TBC1D19: variants seen among roughly 807,000 people sequenced by gnomAD.
TBC1D19 encodes the protein TBC1 domain family, member 19.
TBC1D19 carries 60 observed loss-of-function variants against 89.0 expected under a neutral mutation model. The observed-to-expected ratio is 0.67, with a 90% confidence interval of 0.55 to 0.84. TBC1D19 has a LOEUF of 0.84. TBC1D19 is among the 40% of genes least tolerant of loss of function. The pLI, the probability that TBC1D19 is intolerant of heterozygous loss-of-function variation, is 0.00. For missense variants in TBC1D19, 500 were observed against 610.8 expected (o/e 0.82, Z 1.91); for synonymous variants, 189 against 199.7 (o/e 0.95, Z 0.45).
chr4:26,669,840 A>G (rs1010711070), intron 9 of TBC1D19, among the ~76,000 whole-genome samples: 2 of 151,812 alleles, frequency 1.3e-5, no homozygotes, highest in Non-Finnish European at 3.0e-5. Context: ...TATAAACTAC[A>G]TTGATTGAAA....
chr4:26,733,329 G>A (rs1480232277), intron 15 of TBC1D19, among the ~76,000 whole-genome samples: 1 of 152,040 alleles, frequency 6.6e-6, no homozygotes, highest in Non-Finnish European at 1.5e-5. Context: ...AATAGTATAG[G>A]CCCTAAGCTA....
At chr4:26,671,822 T>G (rs1712336179) in intron 9 of TBC1D19, among the ~76,000 whole-genome samples, 1 of 151,852 alleles carries the variant, frequency 6.6e-6, no homozygotes, top group African/African-American at 2.4e-5. Context: ...AAGGGAAAAT[T>G]CATTCATCAA....
At chr4:26,676,762 A>C (rs1002248348) in intron 11 of TBC1D19, among the ~76,000 whole-genome samples, 1 of 150,312 alleles carries the variant, frequency 6.7e-6, no homozygotes, top group African/African-American at 2.4e-5. Flanking sequence ...ACCTGTTGTC[A>C]GTGTTTAACC....
chr4:26,605,402 C>T (rs1181830013), intron 1 of TBC1D19, among the ~76,000 whole-genome samples: 1 of 151,566 alleles, frequency 6.6e-6, no homozygotes, highest in African/African-American at 2.4e-5. Flanking sequence ...TTTATGGCTG[C>T]ATAGTATTCC....
intron 13 of TBC1D19, among the ~76,000 whole-genome samples, chr4:26,690,086 T>C (rs913361287): frequency 2.6e-5 from 4 of 152,180 alleles, no homozygotes; most frequent in African/African-American, 7.2e-5. Context: ...GTTGCTGATA[T>C]GGAGAAAATT....
chr4:26,703,707 A>G (rs898000570), intron 13 of TBC1D19, among the ~76,000 whole-genome samples: 32 of 151,600 alleles, frequency 2.1e-4, no homozygotes, highest in African/African-American at 7.8e-4. Flanking sequence ...TAATCCCAGC[A>G]CTTTGGGAGG....
intron 1 of TBC1D19, among the ~76,000 whole-genome samples, chr4:26,611,431 T>C (rs773238592): frequency 2.0e-5 from 3 of 152,056 alleles, no homozygotes; most frequent in Non-Finnish European, 4.4e-5. Flanking sequence ...TGTAAACTCA[T>C]GGTATAGCTC....
the TBC1D19 span, among the ~76,000 whole-genome samples, chr4:26,762,852 G>A: frequency 1.3e-5 from 2 of 152,282 alleles, no homozygotes; most frequent in Admixed American, 6.5e-5. Context: ...AGGAATACAG[G>A]CAGCTTCTAG....
the TBC1D19 span, among the ~76,000 whole-genome samples, chr4:26,772,888 C>T: frequency 2.0e-5 from 3 of 152,076 alleles, no homozygotes; most frequent in Admixed American, 1.3e-4. Context: ...AGTTTCATTC[C>T]GTGTCTTTGC....
chr4:26,733,740 A>T (rs1717802170), intron 15 of TBC1D19, among the ~76,000 whole-genome samples: 1 of 152,232 alleles, frequency 6.6e-6, no homozygotes, highest in Non-Finnish European at 1.5e-5. Context: ...AGAATTCAGG[A>T]TTATTATCTC....
intron 7 of TBC1D19, among the ~76,000 whole-genome samples, chr4:26,647,055 CATG>C (rs1264523070): frequency 1.3e-5 from 2 of 152,082 alleles, no homozygotes; most frequent in East Asian, 1.9e-4. Flanking sequence ...GTCCAGAAGA[CATG>C]ATGAGTGTCT....
intron 1 of TBC1D19, among the ~76,000 whole-genome samples, chr4:26,589,854 T>G (rs1739652240): frequency 6.6e-6 from 1 of 152,096 alleles, no homozygotes; most frequent in Non-Finnish European, 1.5e-5. Context: ...GAGAGGAGAG[T>G]TTGGCCAAGG....
At chr4:26,631,684 C>T (rs1742815840) in intron 4 of TBC1D19, among the ~76,000 whole-genome samples, 1 of 152,064 alleles carries the variant, frequency 6.6e-6, no homozygotes, top group Non-Finnish European at 1.5e-5. Flanking sequence ...TTTTAATCAG[C>T]ACTTCTTACA....
At chr4:26,808,459 G>T in the TBC1D19 span, among the ~76,000 whole-genome samples, 9 of 140,798 alleles carry the variant, frequency 6.4e-5, no homozygotes, top group Non-Finnish European at 1.2e-4. Context: ...CTGGCTGGGC[G>T]CGGTGGCTCA....
At chr4:26,714,954 AT>A (rs1196376342) in intron 13 of TBC1D19, among the ~76,000 whole-genome samples, 2 of 151,846 alleles carry the variant, frequency 1.3e-5, no homozygotes, top group Non-Finnish European at 2.9e-5. Flanking sequence ...TTTCTCCAAT[AT>A]CCTAGAATGC....
At chr4:26,818,836 C>G in the TBC1D19 span, among the ~76,000 whole-genome samples, 2 of 152,026 alleles carry the variant, frequency 1.3e-5, no homozygotes, top group Non-Finnish European at 2.9e-5. Flanking sequence ...CCTTAGTTGC[C>G]CAGGTACCCG....
chr4:26,741,366 A>G (rs1718367099), intron 17 of TBC1D19, among the ~76,000 whole-genome samples: 2 of 143,246 alleles, frequency 1.4e-5, no homozygotes, highest in African/African-American at 2.8e-5. Flanking sequence ...CTGTCTCAAA[A>G]AAAAAAAAAA....
chr4:26,587,539 T>C (rs1457007485), intron 1 of TBC1D19, among the ~76,000 whole-genome samples: 1 of 147,476 alleles, frequency 6.8e-6, no homozygotes, highest in Non-Finnish European at 1.5e-5. Flanking sequence ...ATCGCACCAC[T>C]GCACTTCAGC....
intron 4 of TBC1D19, among the ~76,000 whole-genome samples, chr4:26,632,539 G>C (rs1742866608): frequency 6.6e-6 from 1 of 152,014 alleles, no homozygotes; most frequent in South Asian, 2.1e-4. Context: ...TGAGGAGGAG[G>C]AGGAAGAGGA....
Sources: allele counts gnomAD v4.1 joint callset (sites outside exome capture counted in the v4.1 genomes callset), GRCh38; gene constraint gnomAD v4.1.1; transcripts MANE v1.5; gene names NCBI Gene and HGNC (gene_info 2026-07-23, HGNC 2026-07-21).